Variants in ZFHX3 observed in about 807,000 individuals in gnomAD.
The protein encoded by ZFHX3 is zinc finger homeobox protein 3.
In ZFHX3, 42 loss-of-function variants were observed where a neutral mutation model predicts 279.1. The observed-to-expected ratio is 0.15, with a 90% CI of 0.12 to 0.19. The LOEUF (loss-of-function observed/expected upper bound fraction) is 0.19. Ranked by LOEUF, ZFHX3 falls within the 10% of genes least tolerant of loss-of-function variation. The pLI, the probability that ZFHX3 is intolerant of heterozygous loss-of-function variation, is 1.00. For synonymous variants in ZFHX3, 2,293 were observed against 1,957.8 expected (o/e 1.17, Z -4.52); for missense variants, 4,981 against 4,754.0 (o/e 1.05, Z -1.40).
At chr16:73,691,118 A>G (rs569835999) in intron 1 of ZFHX3, among the ~76,000 whole-genome samples, 24 of 152,334 alleles carry the variant, frequency 1.6e-4, no homozygotes, top group Admixed American at 9.8e-4. Flanking sequence ...GTTATTAACA[A>G]CAAATTGGAG....
intron 1 of ZFHX3, among the ~76,000 whole-genome samples, chr16:73,791,073 TC>T (rs1959808955): frequency 6.6e-6 from 1 of 151,792 alleles, no homozygotes. Context: ...CAAGTGATCC[TC>T]CCTCCTCAGC....
At chr16:73,509,279 G>A (rs1005834975) in intron 2 of ZFHX3, among the ~76,000 whole-genome samples, 1 of 152,052 alleles carries the variant, frequency 6.6e-6, no homozygotes, top group Admixed American at 6.6e-5. Flanking sequence ...TTTTGAAAAT[G>A]GCACCACCTC....
At chr16:73,890,429 C>T (rs773842322) in intron 1 of ZFHX3, among the ~76,000 whole-genome samples, 5 of 152,036 alleles carry the variant, frequency 3.3e-5, no homozygotes, top group South Asian at 2.1e-4. Flanking sequence ...CAATCATTCT[C>T]GTTTGGTTTT....
intron 7 of ZFHX3, among the ~76,000 whole-genome samples, chr16:73,120,139 CTCTT>C (rs1249947051): frequency 6.6e-6 from 1 of 152,106 alleles, no homozygotes; most frequent in Non-Finnish European, 1.5e-5. Flanking sequence ...ACACTCAAGG[CTCTT>C]TCTGTCCCTG....
intron 4 of ZFHX3, among the ~76,000 whole-genome samples, chr16:73,285,154 T>G (rs1313398032): frequency 6.6e-6 from 1 of 152,216 alleles, no homozygotes; most frequent in Non-Finnish European, 1.5e-5. Flanking sequence ...AAAACTTGGT[T>G]GCAACCCTTG....
chr16:73,663,282 G>A (rs867135886), intron 2 of ZFHX3, among the ~76,000 whole-genome samples: 30 of 152,264 alleles, frequency 2.0e-4, no homozygotes, highest in Middle Eastern at 6.8e-3. Context: ...CCTTGATGCT[G>A]TTTGGAAATG....
At chr16:72,853,221 A>C (rs780362252) in intron 4 of ZFHX3, among the ~76,000 whole-genome samples, 17 of 152,210 alleles carry the variant, frequency 1.1e-4, no homozygotes, top group Non-Finnish European at 2.2e-4. Flanking sequence ...CACTCTAAAA[A>C]GACTGTCTGA....
chr16:73,044,274 C>G, intron 1 of ZFHX3, among the ~76,000 whole-genome samples: 1 of 152,206 alleles, frequency 6.6e-6, no homozygotes, highest in Non-Finnish European at 1.5e-5. Flanking sequence ...GTAATGGAAT[C>G]TGCCTTCCTG....
chr16:73,154,976 C>A (rs1241403862), intron 5 of ZFHX3, among the ~76,000 whole-genome samples: 1 of 151,850 alleles, frequency 6.6e-6, no homozygotes, highest in African/African-American at 2.4e-5. Flanking sequence ...GAGTTCGAGA[C>A]CAGCCTGGCC....
rs59599339 is a variant in ZFHX3, at chr16:73,265,015, C to CATATATATATATAT, written c.-1193-7893_-1193-7880dup. Among the ~76,000 whole-genome samples the CATATATATATATAT allele has an allele frequency of 2.3e-3, 333 of 142,076 alleles. 5 individuals are homozygous for CATATATATATATAT. Among genetic ancestry groups the CATATATATATATAT allele is most frequent in the East Asian group, 0.011 (55 of 4,806 alleles). 93.2% of individuals were successfully genotyped at this position (142,076 alleles called of 152,430 possible). On this transcript the variant is annotated intron_variant, in intron 4 of 17. Transcript: ENST00000641206. ...TATATATATATATAGCACCTCAGTG[C>CATATATATATATAT]ATATATATATATATATATAACACCT...
chr16:73,696,993 G>A (rs549135642), intron 1 of ZFHX3, among the ~76,000 whole-genome samples: 24 of 152,192 alleles, frequency 1.6e-4, no homozygotes, highest in African/African-American at 4.6e-4. Context: ...AAAGGGACAC[G>A]ATAGTTAATT....
intron 1 of ZFHX3, among the ~76,000 whole-genome samples, chr16:73,034,779 G>A (rs879324): frequency 0.18 from 26,987 of 152,174 alleles, 2,641 homozygotes; most frequent in East Asian, 0.36. Flanking sequence ...GGTTTTCACA[G>A]TCAGGTGAGC....
intron 2 of ZFHX3, among the ~76,000 whole-genome samples, chr16:73,661,490 G>T (rs1395599196): frequency 6.6e-6 from 1 of 152,170 alleles, no homozygotes; most frequent in East Asian, 1.9e-4. Flanking sequence ...GGAGGCAGAG[G>T]CAGGCAGATC....
intron 1 of ZFHX3, among the ~76,000 whole-genome samples, chr16:73,721,906 G>A (rs2053477078): frequency 2.0e-5 from 3 of 152,158 alleles, no homozygotes; most frequent in South Asian, 2.1e-4. Flanking sequence ...CTAGCCAGAT[G>A]TGATGATGCA....
chr16:73,793,868 C>T (rs1283683926), intron 1 of ZFHX3, among the ~76,000 whole-genome samples: 6 of 152,060 alleles, frequency 3.9e-5, no homozygotes, highest in Non-Finnish European at 7.4e-5. Context: ...TGACTCTGAA[C>T]GCATTCTTAA....
chr16:73,386,865 C>T (rs1334489907), intron 3 of ZFHX3: 3 of 152,172 alleles, frequency 2.0e-5, no homozygotes, highest in Non-Finnish European at 4.4e-5. Flanking sequence ...ACATACGCCT[C>T]CTGCCACATC....
intron 2 of ZFHX3, among the ~76,000 whole-genome samples, chr16:73,469,446 T>A (rs1419097644): frequency 1.3e-5 from 2 of 152,086 alleles, no homozygotes; most frequent in African/African-American, 4.8e-5. Context: ...GTATATGTAC[T>A]GCCATCTTGG....
rs147754193 is a variant in ZFHX3 at position 73,512,780 on chromosome 16, G to A, written c.-1546-56522C>T. ...CTTTGCATTCAGGAAAGTGTCAGAG[G>A]GTCAGGAGGTGGGAATGTTAGAATA... On this transcript the variant is annotated intron_variant, in intron 2 of 17. Coordinates refer to the ZFHX3 transcript ENST00000641206. 1.4e-3 allele frequency among the ~76,000 whole-genome samples: 214 copies of A among 152,250 alleles called. 1 individual carries two copies. The highest frequency in any genetic ancestry group is 2.4e-3 in the Non-Finnish European group (160 of 68,020).
At chr16:73,764,214 C>T (rs552754093) in intron 1 of ZFHX3, among the ~76,000 whole-genome samples, 2 of 152,202 alleles carry the variant, frequency 1.3e-5, no homozygotes, top group East Asian at 3.8e-4. Flanking sequence ...AAGCAAATTT[C>T]CAATCCCTGC....
Sources: gnomAD v4.1 joint callset for allele counts (sites outside exome capture counted in the v4.1 genomes callset) on GRCh38, gnomAD v4.1.1 for gene constraint, MANE v1.5 for transcripts, NCBI Gene and HGNC (gene_info 2026-07-23, HGNC 2026-07-21) for gene names.